Variants in JAK1 observed in about 807,000 individuals in gnomAD.
JAK1 encodes tyrosine-protein kinase JAK1.
In JAK1, 16 loss-of-function variants were observed where a neutral mutation model predicts 136.6. That is an observed-to-expected ratio of 0.12 (90% CI 0.08 to 0.18). The LOEUF (loss-of-function observed/expected upper bound fraction) is 0.18. Among genes scored for constraint, JAK1 ranks in the 10% least tolerant of loss-of-function variants. JAK1 has a pLI of 1.00. For synonymous variants in JAK1, 492 were observed against 519.5 expected (o/e 0.95, Z 0.72); for missense variants, 859 against 1,450.1 (o/e 0.59, Z 6.62).
chr1:64,907,903 A>G (rs1556560), intron 1 of JAK1, among the ~76,000 whole-genome samples: 145,811 of 152,276 alleles, frequency 0.96, 70,125 homozygotes, highest in East Asian at 1. Context: ...TGTATTCATT[A>G]ATTGAAATAC....
chr1:64,868,882 G>C (rs1656887046), intron 6 of JAK1, among the ~76,000 whole-genome samples: 1 of 152,190 alleles, frequency 6.6e-6, no homozygotes, highest in African/African-American at 2.4e-5. Flanking sequence ...AGAATTAACA[G>C]CTCTGTAGTG....
chr1:65,058,329 G>T, intron 1 of JAK1: 1 of 517,002 alleles, frequency 1.9e-6, no homozygotes, highest in South Asian at 1.4e-5. Context: ...TGACAGAGGT[G>T]CAGGGTAAGA....
Position 64,844,689 on chromosome 1 carries a change from C to A in JAK1, c.2251+65G>T. ...TAAAAGGAGACCAACCCCAGCCCAG[C>A]CCTTCTCTCTGCTGACTTGCCCCTG... On this transcript the variant is annotated intron_variant, in intron 16 of 24. Coordinates refer to ENST00000342505, the MANE Select transcript of JAK1 (RefSeq NM_002227.4). This position sits in a 1 kb window ranked among gnomAD's most constrained non-coding sequence, Gnocchi z 5.7. 3.8e-6 allele frequency: 6 copies of A among 1,599,092 alleles called. No homozygotes were observed. In the South Asian group the frequency reaches 6.6e-5, roughly 18 times the overall value.
chr1:64,913,641 G>GAGGAAGGGAGGAAAGAAGGA (rs1645325697), intron 1 of JAK1, among the ~76,000 whole-genome samples: 18 of 56,872 alleles, frequency 3.2e-4, no homozygotes, highest in Admixed American at 1.1e-3. Context: ...GGGAGGAAGG[G>GAGGAAGGGAGGAAAGAAGGA]AGGAAGGAAG....
At chr1:64,846,977 TG>T (rs1655275685) in intron 13 of JAK1, 1 of 539,910 alleles carries the variant, frequency 1.9e-6, no homozygotes, top group Non-Finnish European at 3.3e-6. Context: ...AGAGCAGGGC[TG>T]GTGGGAGAAG....
chr1:64,846,963 A>T (rs1655274570), intron 13 of JAK1: 2 of 566,392 alleles, frequency 3.5e-6, no homozygotes, highest in Non-Finnish European at 6.3e-6. Context: ...ACCTAACAGG[A>T]TGCAGAGCAG....
chr1:64,848,975 G>C (rs572617354), intron 12 of JAK1, among the ~76,000 whole-genome samples: 1 of 152,332 alleles, frequency 6.6e-6, no homozygotes, highest in African/African-American at 2.4e-5. Context: ...CTGTCATGAA[G>C]TGATCCATCA....
intron 1 of JAK1, among the ~76,000 whole-genome samples, chr1:65,064,891 T>C (rs747436048): frequency 3.3e-5 from 5 of 152,234 alleles, no homozygotes; most frequent in Non-Finnish European, 7.3e-5. Context: ...AACTTATGAA[T>C]AATTCAATAA....
intron 7 of JAK1, among the ~76,000 whole-genome samples, chr1:64,865,200 C>T (rs1656621852): frequency 6.6e-6 from 1 of 152,192 alleles, no homozygotes; most frequent in Admixed American, 6.5e-5. Context: ...CCTTAATGAG[C>T]ACACTGTCTA....
intron 1 of JAK1, among the ~76,000 whole-genome samples, chr1:64,919,933 T>TCC (rs1261701923): frequency 2.6e-5 from 4 of 151,916 alleles, no homozygotes; most frequent in African/African-American, 9.7e-5. Context: ...TAGTGCCTTC[T>TCC]CACCTCCAGC....
At chr1:64,902,579 AGAGAGT>A (rs1464499597) in intron 1 of JAK1, among the ~76,000 whole-genome samples, 3 of 23,852 alleles carry the variant, frequency 1.3e-4, no homozygotes, top group African/African-American at 2.6e-4. Flanking sequence ...AGAGAGAGAG[AGAGAGT>A]GTGTGTGTGT....
rs1265709653 is a variant in JAK1, at chr1:64,879,067, G to T, written c.287C>A (p.Thr96Asn). The change falls in exon 4 of 25, where the codon ACC becomes AAC. Residue 96 changes from threonine (T) to asparagine (N), a missense_variant. Coordinates refer to ENST00000342505, the MANE Select transcript of JAK1 (RefSeq NM_002227.4). ...CCGGAGGGACATCTTGTCATCAACG[G>T]TGATGGTGCGATTTGGAGCATACCA... The part of the protein sequence containing the change: ...KLWYAPNRTI[T>N]VDDKMSLRLH... 1 of 1,614,016 alleles carries T rather than the reference G, an allele frequency of 6.2e-7. No homozygotes were observed. The highest frequency in any genetic ancestry group is 1.1e-5 in the South Asian group (1 of 91,084).
chr1:64,965,143 G>A (rs1360561845), intron 1 of JAK1, among the ~76,000 whole-genome samples: 2 of 151,908 alleles, frequency 1.3e-5, no homozygotes, highest in South Asian at 2.1e-4. Context: ...AACCAAACAC[G>A]CCCTGATTTA....
chr1:64,999,614 G>A (rs1325774275), intron 2 of JAK1, among the ~76,000 whole-genome samples: 8 of 151,898 alleles, frequency 5.3e-5, no homozygotes, highest in African/African-American at 7.3e-5. Flanking sequence ...ACATGCCTGT[G>A]GTCCCAGCTT....
intron 1 of JAK1, among the ~76,000 whole-genome samples, chr1:64,913,702 A>AGGAAGGAAGGAC (rs1377245956): frequency 3.8e-5 from 1 of 26,168 alleles, no homozygotes. Flanking sequence ...GAAGGAAGGA[A>AGGAAGGAAGGAC]AGAAGGGAGG....
chr1:64,845,791 C>A lies in JAK1; in HGVS notation c.1988-151G>T. On this transcript the variant is annotated intron_variant, in intron 14 of 24. Coordinates refer to ENST00000342505, the MANE Select transcript of JAK1 (RefSeq NM_002227.4). ...GTGCAATGGTGCAGGGGCTTCAGAG[C>A]TGGAAAGGCCAAGTTCAACCCCAAG... 3 of 880,444 alleles carry A rather than the reference C, an allele frequency of 3.4e-6. No individual in the cohort carries two copies. The East Asian group carries it at 7.3e-5, about 21-fold the overall frequency. The allele number at this position is 880,444 out of a possible 1,614,324, so 54.5% of individuals were successfully genotyped here.
intron 22 of JAK1, 71 bp downstream of exon 22, chr1:64,837,861 C>T (rs1654585455): frequency 2.3e-6 from 3 of 1,312,760 alleles, no homozygotes; most frequent in Admixed American, 2.1e-5. Context: ...TTAATATAGC[C>T]AGAAAGGGCC....
chr1:64,892,296 A>C (rs1421951581), intron 1 of JAK1, among the ~76,000 whole-genome samples: 1 of 151,494 alleles, frequency 6.6e-6, no homozygotes, highest in African/African-American at 2.4e-5. Flanking sequence ...GGGGGGATGG[A>C]GGGGGATGGA....
chr1:65,043,739 T>C (rs984701003), intron 2 of JAK1, among the ~76,000 whole-genome samples: 3 of 143,812 alleles, frequency 2.1e-5, no homozygotes, highest in Non-Finnish European at 4.5e-5. Flanking sequence ...TGTTTGTTTG[T>C]TTAGATGGAG....
Sources: allele counts gnomAD v4.1 joint callset (sites outside exome capture counted in the v4.1 genomes callset), GRCh38; gene constraint gnomAD v4.1.1; non-coding constraint Gnocchi (gnomAD v3.1); transcripts MANE v1.5; gene names NCBI Gene and HGNC (gene_info 2026-07-23, HGNC 2026-07-21).